The following ELP4 variants were observed in gnomAD, a reference collection of about 807,000 sequenced individuals.
ELP4 encodes the protein elongator complex protein 4.
In ELP4, 51 loss-of-function variants were observed where a neutral mutation model predicts 48.9. The observed-to-expected ratio is 1.04, with a 90% CI of 0.83 to 1.32. ELP4 has a LOEUF of 1.32. Ranked by LOEUF, ELP4 falls within the 40% of genes most tolerant of loss-of-function variation. ELP4 has a pLI of 0.00. For missense variants in ELP4, 519 were observed against 514.6 expected, an observed-to-expected ratio of 1.01 and a Z score of -0.08; for synonymous variants, 210 against 189.2, an observed-to-expected ratio of 1.11 and a Z score of -0.90.
At chr11:31,531,286 T>A (rs1956391856) in intron 2 of ELP4, among the ~76,000 whole-genome samples, 1 of 152,222 alleles carries the variant, frequency 6.6e-6, no homozygotes, top group Admixed American at 6.5e-5. Flanking sequence ...TGTTTGTTGT[T>A]TTTTCCTCTA....
In ELP4 at chr11:31,604,278, T is replaced by C. The variant is rs76660758; in HGVS notation, c.653+371T>C. ...GTATTGATAATAATAGCAATGAAAA[T>C]GATACAAACTAGTGTCGTTTGCTTA... On this transcript the variant is annotated intron_variant, in intron 5 of 9. Transcript: ENST00000640961. Among the ~76,000 whole-genome samples the C allele has an allele frequency of 2.8e-3, 422 of 151,904 alleles. 1 individual carries two copies. Among genetic ancestry groups the C allele is most frequent in the Non-Finnish European group, 4.7e-3 (321 of 67,750 alleles).
chr11:31,554,407 T>C (rs977968995), intron 3 of ELP4, among the ~76,000 whole-genome samples: 2 of 151,876 alleles, frequency 1.3e-5, no homozygotes, highest in African/African-American at 4.8e-5. Flanking sequence ...CTTCCCCAGC[T>C]TTATTGAGAT....
intron 5 of ELP4, among the ~76,000 whole-genome samples, chr11:31,625,522 A>C (rs1944724698): frequency 6.6e-6 from 1 of 151,844 alleles, no homozygotes; most frequent in Non-Finnish European, 1.5e-5. Flanking sequence ...AAACTGAAGG[A>C]CATTATGGCA....
intron 1 of ELP4, chr11:31,512,081 G>A (rs1185860731): frequency 6.6e-6 from 1 of 152,068 alleles, no homozygotes; most frequent in Non-Finnish European, 1.5e-5. Flanking sequence ...TGACATTTTT[G>A]TATCTGATTT....
chr11:31,625,881 G>A (rs926810835), intron 5 of ELP4, among the ~76,000 whole-genome samples: 12 of 151,788 alleles, frequency 7.9e-5, no homozygotes, highest in African/African-American at 2.4e-4. Context: ...TTTTGCACAC[G>A]TTTCCACACT....
intron 9 of ELP4, among the ~76,000 whole-genome samples, chr11:31,669,481 G>T (rs1002931785): frequency 9.2e-5 from 14 of 152,108 alleles, no homozygotes; most frequent in Non-Finnish European, 1.9e-4. Context: ...CCTTTAAAAT[G>T]ATTTTTCTGA....
chr11:31,731,030 A>G (rs1054927848), intron 9 of ELP4, among the ~76,000 whole-genome samples: 2 of 152,170 alleles, frequency 1.3e-5, no homozygotes, highest in African/African-American at 4.8e-5. Context: ...TTTAGAGAAG[A>G]CACATCAGAG....
intron 3 of ELP4, among the ~76,000 whole-genome samples, chr11:31,571,591 A>C (rs185020514): frequency 1.3e-5 from 2 of 152,366 alleles, no homozygotes; most frequent in Admixed American, 6.5e-5. Flanking sequence ...TACTTTGCCC[A>C]TATCCATCAG....
intron 9 of ELP4, among the ~76,000 whole-genome samples, chr11:31,697,546 C>G (rs1266198207): frequency 6.6e-6 from 1 of 152,074 alleles, no homozygotes; most frequent in Non-Finnish European, 1.5e-5. Flanking sequence ...ATCTTACAGA[C>G]TTTTAATGAT....
At chr11:31,595,297 T>C (rs1226998456) in intron 4 of ELP4, among the ~76,000 whole-genome samples, 1 of 152,166 alleles carries the variant, frequency 6.6e-6, no homozygotes, top group African/African-American at 2.4e-5. Context: ...GGTAATGTCA[T>C]CTATTCAGAA....
intron 4 of ELP4, among the ~76,000 whole-genome samples, chr11:31,597,477 A>C (rs1231424655): frequency 6.6e-6 from 1 of 152,186 alleles, no homozygotes; most frequent in African/African-American, 2.4e-5. Context: ...AGCACTTGAG[A>C]ACCCTAATGG....
chr11:31,575,467 C>T (rs2133962593), intron 3 of ELP4, among the ~76,000 whole-genome samples: 1 of 152,218 alleles, frequency 6.6e-6, no homozygotes, highest in African/African-American at 2.4e-5. Flanking sequence ...TCGAGAAGAG[C>T]AACTCCAAGA....
chr11:31,659,723 C>T (rs532457116), intron 9 of ELP4, among the ~76,000 whole-genome samples: 1 of 152,090 alleles, frequency 6.6e-6, no homozygotes, highest in South Asian at 2.1e-4. Context: ...TGCAGTGGCT[C>T]ACACCTGTAA....
chr11:31,661,493 T>C (rs1449234401), intron 9 of ELP4, among the ~76,000 whole-genome samples: 1 of 152,074 alleles, frequency 6.6e-6, no homozygotes, highest in Non-Finnish European at 1.5e-5. Flanking sequence ...TATCAAACTT[T>C]GGGAAAATAT....
chr11:31,697,165 T>A (rs1946426637), intron 9 of ELP4, among the ~76,000 whole-genome samples: 2 of 152,106 alleles, frequency 1.3e-5, no homozygotes, highest in South Asian at 4.1e-4. Context: ...ATAAAGCAAG[T>A]CCTTAGAGAC....
chr11:31,553,207 A>G (rs1038930445), intron 3 of ELP4, among the ~76,000 whole-genome samples: 1 of 152,018 alleles, frequency 6.6e-6, no homozygotes, highest in Non-Finnish European at 1.5e-5. Context: ...CTATATTTCT[A>G]TTGCTTATTA....
At chr11:31,632,042 G>A (rs1310383069) in intron 6 of ELP4, among the ~76,000 whole-genome samples, 175 bp from the exon 7 acceptor site, 1 of 151,920 alleles carries the variant, frequency 6.6e-6, no homozygotes, top group Non-Finnish European at 1.5e-5. Flanking sequence ...TTATAATCTT[G>A]TAATCTAAAC....
At chr11:31,763,576 A>G (rs942342804) in intron 9 of ELP4, 2 of 1,555,428 alleles carry the variant, frequency 1.3e-6, no homozygotes, top group Non-Finnish European at 1.7e-6. Flanking sequence ...TTTTCAGCTA[A>G]AGCTTCTACT....
At chr11:31,662,800 T>C (rs1945592125) in intron 9 of ELP4, 2 of 372,664 alleles carry the variant, frequency 5.4e-6, no homozygotes, top group South Asian at 1.5e-4. Context: ...ATTTTTCAAA[T>C]AGTCTGCATT....
Sources: allele counts gnomAD v4.1 joint callset (sites outside exome capture counted in the v4.1 genomes callset), GRCh38; gene constraint gnomAD v4.1.1; transcripts MANE v1.5; gene names NCBI Gene and HGNC (gene_info 2026-07-23, HGNC 2026-07-21).